The following CACNA1S variants were observed in gnomAD, a reference collection of about 807,000 sequenced individuals.
The protein encoded by CACNA1S is voltage-dependent L-type calcium channel subunit alpha-1S.
A neutral mutation model predicts 207.4 loss-of-function variants in CACNA1S; 126 were observed. The ratio of observed to expected loss-of-function variants is 0.61; its 90% confidence interval spans 0.53 to 0.70. The LOEUF (loss-of-function observed/expected upper bound fraction) is 0.70, where lower values mean the gene tolerates loss of function less well. Ranked by LOEUF, CACNA1S falls within the 30% of genes least tolerant of loss-of-function variation. The probability of loss-of-function intolerance (pLI) is 0.00; values close to 1 mark genes in which losing one functional copy is unlikely to be tolerated. For synonymous variants in CACNA1S, 960 were observed against 932.7 expected (o/e 1.03, Z -0.53); for missense variants, 2,349 against 2,422.8 (o/e 0.97, Z 0.64).
intron 10 of CACNA1S, among the ~76,000 whole-genome samples, chr1:201,078,517 C>CAAA (rs10581578): frequency 9.9e-5 from 12 of 121,696 alleles, no homozygotes; most frequent in Admixed American, 1.7e-4. Flanking sequence ...AAATTAGCTT[C>CAAA]AAAAAAAAAA....
chr1:201,098,571 G>A (rs920648547), intron 2 of CACNA1S, among the ~76,000 whole-genome samples: 28 of 152,292 alleles, frequency 1.8e-4, no homozygotes, highest in South Asian at 1.0e-3. Flanking sequence ...TATAGAATGC[G>A]TCATCCTGCC....
intron 2 of CACNA1S, among the ~76,000 whole-genome samples, chr1:201,106,401 C>A (rs1167717376): frequency 6.6e-6 from 1 of 152,066 alleles, no homozygotes; most frequent in Non-Finnish European, 1.5e-5. Flanking sequence ...ACCTCTCTGT[C>A]TCTTGCCTCC....
intron 6 of CACNA1S, 46 bp from the exon 7 acceptor site, chr1:201,087,975 C>G (rs1234454180): frequency 3.8e-6 from 5 of 1,315,222 alleles, no homozygotes; most frequent in Non-Finnish European, 5.5e-6. Context: ...GGCTTGGTTC[C>G]TCTTCCCCAA....
intron 2 of CACNA1S, among the ~76,000 whole-genome samples, chr1:201,097,890 G>T (rs1477372115): frequency 6.6e-6 from 1 of 152,124 alleles, no homozygotes; most frequent in African/African-American, 2.4e-5. Flanking sequence ...TGGGCTCAGG[G>T]CTTCTGCCCT....
chr1:201,075,932 G>A (rs142399128), intron 12 of CACNA1S, among the ~76,000 whole-genome samples: 4 of 152,308 alleles, frequency 2.6e-5, no homozygotes, highest in Non-Finnish European at 5.9e-5. Context: ...GCCAGGCATG[G>A]TGGTGGGCAC....
chr1:201,103,399 G>T (rs994023661), intron 2 of CACNA1S, among the ~76,000 whole-genome samples: 1 of 152,158 alleles, frequency 6.6e-6, no homozygotes, highest in African/African-American at 2.4e-5. Context: ...TCCCCAGGGA[G>T]CTAGCAAAGC....
intron 25 of CACNA1S, 120 bp from the exon 26 acceptor site, chr1:201,060,936 G>T: frequency 8.2e-7 from 1 of 1,222,624 alleles, no homozygotes; most frequent in Non-Finnish European, 1.2e-6. Context: ...TGTGGCTGAG[G>T]ACTGTGAACT....
At chr1:201,085,308 T>C (rs1338746117) in intron 8 of CACNA1S, 128 bp downstream of exon 8, 4 of 1,325,314 alleles carry the variant, frequency 3.0e-6, no homozygotes, top group Non-Finnish European at 4.3e-6. Context: ...GCCATTTTGC[T>C]TTAGGCAAGT....
chr1:201,058,402 A>T lies in CACNA1S; in HGVS notation c.3609+6T>A. On this transcript the variant is annotated splice_donor_region_variant and intron_variant, in intron 28 of 43. Transcript: ENST00000362061. ...CTAGTGATGGCTCTGCCTGCCTGAT[A>T]CTCACGTCGATCTCACTGAGGATGA... The T allele has an allele frequency of 6.2e-7, 1 of 1,612,980 alleles. No homozygotes were observed. The highest frequency in any genetic ancestry group is 8.5e-7 in the Non-Finnish European group (1 of 1,178,984).
chr1:201,070,512 A>G (rs1661409999), intron 16 of CACNA1S, 108 bp from the exon 17 acceptor site: 2 of 1,478,000 alleles, frequency 1.4e-6, no homozygotes, highest in Non-Finnish European at 1.9e-6. Flanking sequence ...TAAGCAAGGG[A>G]CCACCAGGCT....
chr1:201,058,870 C>T lies in CACNA1S; in HGVS notation c.3525+319G>A, dbSNP rs759870347. On this transcript the variant is annotated intron_variant, in intron 27 of 43. Coordinates refer to ENST00000362061, the MANE Select transcript of CACNA1S (RefSeq NM_000069.3). Reference sequence around the variant, plus strand: ...CTGTGCTGGGAACCATGGCAATGGACTTGAGAACGAAAGAGACAAGGCAAG... The same window carrying T: ...CTGTGCTGGGAACCATGGCAATGGATTTGAGAACGAAAGAGACAAGGCAAG... 4.5e-4 allele frequency among the ~76,000 whole-genome samples: 69 copies of T among 152,262 alleles called. 2 individuals carry two copies. Among genetic ancestry groups the T allele is most frequent in the Non-Finnish European group, 4.4e-4 (30 of 68,016 alleles).
chr1:201,110,969 G>A (rs933146435), intron 1 of CACNA1S, among the ~76,000 whole-genome samples: 6 of 152,216 alleles, frequency 3.9e-5, no homozygotes, highest in South Asian at 2.1e-4. Flanking sequence ...GGGGTGGATG[G>A]GGAGGCATAT....
chr1:201,088,015 G>A, intron 6 of CACNA1S, 86 bp from the exon 7 acceptor site: 1 of 875,082 alleles, frequency 1.1e-6, no homozygotes. Context: ...ACCCAACCCT[G>A]GGGGACAAGG....
At chr1:201,085,283 A>G (rs1661999106) in intron 8 of CACNA1S, among the ~76,000 whole-genome samples, 153 bp downstream of exon 8, 1 of 152,140 alleles carries the variant, frequency 6.6e-6, no homozygotes, top group Admixed American at 6.5e-5. Context: ...TCACACCTGG[A>G]TCTTACCATT....
At position 201,053,622 on chromosome 1, in the gene CACNA1S, G is replaced by A. The variant is rs1295986982; in HGVS notation, c.3667-35C>T. 1.2e-6 allele frequency: 2 copies of A among 1,602,834 alleles called. No homozygotes were observed. The highest frequency in any genetic ancestry group is 2.2e-5 in the South Asian group (2 of 90,920). On this transcript the variant is annotated intron_variant, in intron 29 of 43. Coordinates refer to ENST00000362061, the MANE Select transcript of CACNA1S (RefSeq NM_000069.3). The surrounding 1 kb of genome is among the most constrained non-coding windows in gnomAD (Gnocchi z 5.1). ...AGCAGCCCCAGAGGTCAGTCTGGGG[G>A]CAGAACCTCAGAGGGGTAAGGGGCA...
At position 201,069,170 on chromosome 1, in the gene CACNA1S, G is replaced by A. The variant is rs762416846; in HGVS notation, c.2517C>T (p.Phe839=). ...CAATCTCCACAGTGAAGACAGAGGT[G>A]AACCCGATGTCAAAGTGTTTAAGGA... The part of the protein sequence containing the change: ...NQILKHFDIG[F]TSVFTVEIVL... Residue 839 remains phenylalanine (F), a synonymous_variant, in exon 19 of 44, where the codon TTC becomes TTT. Transcript: ENST00000362061. 1.2e-6 allele frequency: 2 copies of A among 1,614,180 alleles called. No homozygotes were observed. Among genetic ancestry groups the A allele is most frequent in the Middle Eastern group, 1.7e-4 (1 of 6,060 alleles).
rs531545491 is a variant in CACNA1S, at chr1:201,085,632, A to G, written c.1005-51T>C. On this transcript the variant is annotated intron_variant, in intron 7 of 43. Transcript: ENST00000362061. The stretch of plus-strand genomic sequence containing the variant: ...GAGGAGGAGAAGAGGGAACAGTGTC[A>G]AGGAAAGACTGAGCTTCCTGAGGAC... 1.1e-5 allele frequency: 17 copies of G among 1,604,152 alleles called. No homozygotes were observed. In the Admixed American group the frequency reaches 2.7e-4, roughly 25 times the overall value.
rs145195149 is a variant in CACNA1S, at chr1:201,039,922, C to G, written c.5531G>C (p.Ser1844Thr). Residue 1844 changes from serine to threonine, a missense_variant, in exon 44 of 44, where the codon AGC becomes ACC. Physicochemically the swap from Ser to Thr is moderately conservative, Grantham distance 58 (BLOSUM62 1). Coordinates refer to ENST00000362061, the MANE Select transcript of CACNA1S (RefSeq NM_000069.3). ...KGREAPEGMA[S>T]SLGCLNLGSS... ...CCCGAGGTTCAGGCATCCCAGGGAG[C>G]TGGCCATGCCCTCTGGGGCCTCTCG... 38 of 1,614,074 alleles carry G rather than the reference C, an allele frequency of 2.4e-5. No individual in the cohort carries two copies. In the African/African-American group the frequency reaches 4.5e-4, roughly 19 times the overall value.
In CACNA1S at chr1:201,091,770, G is replaced by A. The variant is rs769008033; in HGVS notation, c.564C>T (p.Ser188=). 7.4e-6 allele frequency: 12 copies of A among 1,613,922 alleles called. No homozygotes were observed. The East Asian group carries it at 2.0e-4, about 27-fold the overall frequency. The change falls in exon 5 of 44, where the codon TCC becomes TCT. Residue 188 remains serine (S), a synonymous_variant. Coordinates refer to ENST00000362061, the MANE Select transcript of CACNA1S (RefSeq NM_000069.3). ...AGAGGGGGAGCATGGCCTTGAAGAT[G>A]GAGTTCAGGACCACCTGCAGGCCTG... ...GVPSLQVVLN[S]IFKAMLPLFH... is the part of the protein sequence containing the mutation.
Sources: gnomAD v4.1 joint callset for allele counts (sites outside exome capture counted in the v4.1 genomes callset) on GRCh38, gnomAD v4.1.1 for gene constraint, Gnocchi (gnomAD v3.1) non-coding constraint, MANE v1.5 for transcripts, NCBI Gene and HGNC (gene_info 2026-07-23, HGNC 2026-07-21) for gene names.